MAGI1: variants seen among roughly 807,000 people sequenced by gnomAD.
MAGI1 encodes the protein membrane-associated guanylate kinase, WW and PDZ domain-containing protein 1.
Under a neutral mutation model 139.9 loss-of-function variants are expected in MAGI1, and 58 were observed. The observed-to-expected ratio is 0.41, with a 90% CI of 0.34 to 0.52. MAGI1 has a LOEUF of 0.52. Ranked by LOEUF, MAGI1 falls within the 20% of genes least tolerant of loss-of-function variation. The probability of loss-of-function intolerance (pLI) is 0.12; values close to 1 mark genes in which losing one functional copy is unlikely to be tolerated. For synonymous variants in MAGI1, 812 were observed against 737.9 expected, an observed-to-expected ratio of 1.10 and a Z score of -1.63; for missense variants, 1,874 against 1,901.6, an observed-to-expected ratio of 0.99 and a Z score of 0.27.
rs143205327 is a variant in MAGI1 at position 65,809,902 on chromosome 3, C to T, written c.314-187814G>A. 3.4e-3 allele frequency among the ~76,000 whole-genome samples: 520 copies of T among 152,112 alleles called. 3 individuals are homozygous for T. Among genetic ancestry groups the T allele is most frequent in the African/African-American group, 0.012 (490 of 41,494 alleles). On this transcript the variant is annotated intron_variant, in intron 1 of 22. Transcript: ENST00000402939. ...CTTTCCTCTCTAGTGCCCTGCTATACACCCCCATTCTGAATTCCCCACCCC... is the reference window on the plus strand; with the variant it reads ...CTTTCCTCTCTAGTGCCCTGCTATATACCCCCATTCTGAATTCCCCACCCC...
intron 1 of MAGI1, among the ~76,000 whole-genome samples, chr3:65,833,163 G>A (rs535025842): frequency 6.6e-6 from 1 of 151,844 alleles, no homozygotes; most frequent in African/African-American, 2.4e-5. Flanking sequence ...TGTCACCCAG[G>A]CTGGAGTGCA....
chr3:65,791,581 A>G (rs955928447), intron 1 of MAGI1, among the ~76,000 whole-genome samples: 19 of 152,200 alleles, frequency 1.2e-4, no homozygotes, highest in African/African-American at 4.6e-4. Context: ...GAAAATGAAT[A>G]AAAGAATGGG....
intron 1 of MAGI1, among the ~76,000 whole-genome samples, chr3:65,838,031 C>G (rs1370489353): frequency 6.6e-6 from 1 of 152,138 alleles, no homozygotes; most frequent in African/African-American, 2.4e-5. Context: ...AACTTCAAAG[C>G]CGGAAAACTG....
intron 1 of MAGI1, among the ~76,000 whole-genome samples, chr3:65,732,190 T>A (rs2034260267): frequency 6.6e-6 from 1 of 152,240 alleles, no homozygotes; most frequent in African/African-American, 2.4e-5. Context: ...GAAAAGTTCC[T>A]GCCTCTTTTC....
Position 65,356,686 on chromosome 3 carries a change from G to T in MAGI1, c.4081C>A (p.Arg1361Ser). The T allele has an allele frequency of 6.3e-7, 1 of 1,591,560 alleles. No homozygotes were observed. Among genetic ancestry groups the T allele is most frequent in the Non-Finnish European group, 8.6e-7 (1 of 1,169,436 alleles). ...CGGCTGGGGGAGCCGTCTCTCCTGC[G>T]GGTGGGTGACCGCTCTCGCCTCCGC... ...PERRRERSPT[R>S]RRDGSPSRRR... The change falls in exon 23 of 23, where the codon CGC (arginine) becomes AGC (serine). Residue 1361 changes from arginine (R) to serine (S), a missense_variant. By Grantham distance (110) the Arg-to-Ser change is moderately radical (BLOSUM62 -1). Transcript: ENST00000402939.
chr3:65,534,877 G>A (rs1033398910), intron 2 of MAGI1, among the ~76,000 whole-genome samples: 3 of 152,154 alleles, frequency 2.0e-5, no homozygotes, highest in African/African-American at 4.8e-5. Context: ...GGATGCTGCC[G>A]AGCCTCTACG....
intron 5 of MAGI1, among the ~76,000 whole-genome samples, chr3:65,461,436 C>T (rs572698328): frequency 2.7e-5 from 4 of 149,938 alleles, no homozygotes; most frequent in African/African-American, 9.8e-5. Flanking sequence ...AGGATGGTCT[C>T]GATCTCCTGA....
intron 2 of MAGI1, among the ~76,000 whole-genome samples, chr3:65,506,548 T>G (rs2077295947): frequency 3.3e-5 from 5 of 152,200 alleles, no homozygotes; most frequent in Admixed American, 2.6e-4. Context: ...CACACAAGAA[T>G]CTATATAGCT....
chr3:65,570,338 G>A (rs1365368489), intron 2 of MAGI1, among the ~76,000 whole-genome samples: 1 of 151,462 alleles, frequency 6.6e-6, no homozygotes, highest in African/African-American at 2.4e-5. Context: ...CTGACTTCAA[G>A]TGATCCACCA....
intron 1 of MAGI1, among the ~76,000 whole-genome samples, chr3:65,994,293 CT>C: frequency 7.5e-6 from 1 of 134,196 alleles, no homozygotes; most frequent in Middle Eastern, 3.9e-3. Context: ...AAAAAAAACA[CT>C]GGTAAATGAC....
intron 1 of MAGI1, chr3:65,687,906 T>C: frequency 1.5e-6 from 1 of 661,650 alleles, no homozygotes; most frequent in Admixed American, 1.8e-5. Flanking sequence ...GCAGGGTGCC[T>C]TAGCAGCCAT....
intron 1 of MAGI1, among the ~76,000 whole-genome samples, chr3:65,820,923 T>C (rs1019705059): frequency 2.0e-5 from 3 of 152,224 alleles, no homozygotes; most frequent in East Asian, 3.9e-4. Flanking sequence ...TAATTCTAAT[T>C]TTTCTGACTG....
At chr3:65,620,496 G>A (rs762175117) in intron 2 of MAGI1, among the ~76,000 whole-genome samples, 3 of 152,116 alleles carry the variant, frequency 2.0e-5, no homozygotes, top group South Asian at 2.1e-4. Flanking sequence ...ATCACCTATG[G>A]CTTTAATTTT....
At chr3:65,798,791 T>TAAG (rs2108115894) in intron 1 of MAGI1, among the ~76,000 whole-genome samples, 1 of 152,164 alleles carries the variant, frequency 6.6e-6, no homozygotes, top group South Asian at 2.1e-4. Context: ...AAATAAACAA[T>TAAG]TCATAAGTTT....
intron 1 of MAGI1, among the ~76,000 whole-genome samples, chr3:65,859,201 C>T (rs1223406926): frequency 3.3e-5 from 5 of 151,832 alleles, no homozygotes; most frequent in Non-Finnish European, 7.4e-5. Flanking sequence ...GGCATGGTGG[C>T]GCATGCCTGT....
At chr3:65,474,448 C>A (rs1357248757) in intron 4 of MAGI1, among the ~76,000 whole-genome samples, 1 of 152,166 alleles carries the variant, frequency 6.6e-6, no homozygotes, top group Non-Finnish European at 1.5e-5. Flanking sequence ...GGTACACAGT[C>A]CTTCAGGGTT....
intron 1 of MAGI1, among the ~76,000 whole-genome samples, chr3:65,934,225 A>G (rs938416129): frequency 2.6e-5 from 4 of 151,964 alleles, no homozygotes; most frequent in African/African-American, 9.7e-5. Context: ...TAATTAGGGT[A>G]ATGAACTGAT....
chr3:65,389,460 G>C (rs945559955), intron 14 of MAGI1, among the ~76,000 whole-genome samples: 2 of 152,202 alleles, frequency 1.3e-5, no homozygotes, highest in Non-Finnish European at 2.9e-5. Flanking sequence ...GTATTGAGGA[G>C]AGCAGGAGTT....
chr3:65,720,168 A>C (rs896589301), intron 1 of MAGI1: 2 of 152,106 alleles, frequency 1.3e-5, no homozygotes, highest in Non-Finnish European at 2.9e-5. Context: ...GTGTTGGATT[A>C]ATATATTTTA....
Sources: gnomAD v4.1 joint callset for allele counts (sites outside exome capture counted in the v4.1 genomes callset) on GRCh38, gnomAD v4.1.1 for gene constraint, MANE v1.5 for transcripts, NCBI Gene and HGNC (gene_info 2026-07-23, HGNC 2026-07-21) for gene names.